The following MYO18A variants were observed in gnomAD, a reference collection of about 807,000 sequenced individuals.
The protein encoded by MYO18A is myosin XVIIIA.
In MYO18A, 78 loss-of-function variants were observed where a neutral mutation model predicts 235.8. The ratio of observed to expected loss-of-function variants is 0.33; its 90% CI spans 0.28 to 0.40. The LOEUF is 0.40. Ranked by LOEUF, MYO18A falls within the 10% of genes least tolerant of loss-of-function variation. MYO18A has a pLI of 1.00. For missense variants in MYO18A, 2,215 were observed against 2,699.3 expected (o/e 0.82, Z 3.98); for synonymous variants, 977 against 1,077.8 (o/e 0.91, Z 1.83).
Position 29,166,618 on chromosome 17 carries a change from C to T in MYO18A, c.323G>A (p.Gly108Asp). ...CGAGCCACGGAAGCTACCCTCCTCA[C>T]CCTTGAGGTCATCGCTGGAGCTGGC... is the stretch of plus-strand genomic sequence containing the variant. ...STASSSDDLKGEEGSFRGSVL... is the reference protein window; with the variant it reads ...STASSSDDLKDEEGSFRGSVL... Residue 108 changes from glycine (G) to aspartate (D), a missense_variant, in exon 2 of 42, where the codon GGT becomes GAT. Gly to Asp is a moderately conservative substitution (Grantham distance 94). Coordinates refer to ENST00000527372, the MANE Select transcript of MYO18A (RefSeq NM_078471.4). 2 of 1,613,934 alleles carry T rather than the reference C, an allele frequency of 1.2e-6. No individual in the cohort carries two copies. Among genetic ancestry groups the T allele is most frequent in the Non-Finnish European group, 1.7e-6 (2 of 1,179,896 alleles).
intron 40 of MYO18A, among the ~76,000 whole-genome samples, chr17:29,085,131 C>G (rs1002380433): frequency 1.3e-5 from 2 of 152,256 alleles, no homozygotes; most frequent in Non-Finnish European, 2.9e-5. Context: ...CTACCCTTGT[C>G]TGCCAAGAGA....
chr17:29,093,422 T>C lies in MYO18A; in HGVS notation c.4827A>G (p.Lys1609=). The change falls in exon 32 of 42, where the codon AAA becomes AAG. Residue 1609 remains lysine, a synonymous_variant. Coordinates refer to ENST00000527372, the MANE Select transcript of MYO18A (RefSeq NM_078471.4). ...CTTCCTCTAGCTGCACCTCCATCTG[T>C]TTTAACTGGAGTACCATGGGGACAG... The part of the protein sequence containing the change: ...EARQSCQKKL[K]QMEVQLEEEY... 6.2e-7 allele frequency: 1 copy of C among 1,609,968 alleles called. No individual in the cohort carries two copies. Among genetic ancestry groups the C allele is most frequent in the Non-Finnish European group, 8.5e-7 (1 of 1,179,300 alleles).
rs775822607 is a variant in MYO18A at position 29,098,245 on chromosome 17, T to A, written c.3871-21A>T. 8.1e-6 allele frequency: 13 copies of A among 1,613,420 alleles called. No homozygotes were observed. In the Admixed American group the frequency reaches 2.0e-4, roughly 25 times the overall value. On this transcript the variant is annotated intron_variant, in intron 24 of 41. Coordinates refer to ENST00000527372, the MANE Select transcript of MYO18A (RefSeq NM_078471.4). ...GAGATCTGGGGTTGGGGGTAGGGAG[T>A]CACCACCAGTTGAAGTGCCTGCCTC...
At chr17:29,144,958 A>G (rs1383290074) in intron 2 of MYO18A, among the ~76,000 whole-genome samples, 2 of 152,248 alleles carry the variant, frequency 1.3e-5, no homozygotes, top group Non-Finnish European at 2.9e-5. Context: ...GCAGGAAAGC[A>G]TAATAGTCAT....
At chr17:29,127,704 C>T in intron 2 of MYO18A, 1 of 280,044 alleles carries the variant, frequency 3.6e-6, no homozygotes, top group Non-Finnish European at 5.4e-6. Context: ...CCATGCAGCC[C>T]CTGCCGGCCA....
At chr17:29,081,132 G>A (rs2066111722) in intron 41 of MYO18A, 3 of 427,284 alleles carry the variant, frequency 7.0e-6, no homozygotes, top group Non-Finnish European at 9.4e-6. Flanking sequence ...GGAGGGAGGC[G>A]AAAGGAGGAG....
chr17:29,120,936 G>GCT lies in MYO18A; in HGVS notation c.1585+60_1585+61dup, dbSNP rs1348513267. ...AAAAAGAGCTGGCACTTAAGAGGGTGCTCTCTCCTCACTCCCCTCCCCTCA... is the reference window on the plus strand; with the variant it reads ...AAAAAGAGCTGGCACTTAAGAGGGTGCTCTCTCTCCTCACTCCCCTCCCCTCA... On this transcript the variant is annotated intron_variant, in intron 6 of 41. Transcript: ENST00000527372. The surrounding 1 kb of genome is among the most constrained non-coding windows in gnomAD (Gnocchi z 4.2). The GCT allele has an allele frequency of 6.4e-7, 1 of 1,565,950 alleles. No homozygotes were observed. Among genetic ancestry groups the GCT allele is most frequent in the Non-Finnish European group, 8.7e-7 (1 of 1,151,818 alleles).
rs371129997 is a variant in MYO18A, at chr17:29,095,024, G to A, written c.4421C>T (p.Ala1474Val). Residue 1474 changes from alanine to valine, a missense_variant, in exon 29 of 42, where the codon GCC becomes GTC. Physicochemically the swap from Ala to Val is moderately conservative, Grantham distance 64 (BLOSUM62 0). Coordinates refer to ENST00000527372, the MANE Select transcript of MYO18A (RefSeq NM_078471.4). ...CTCCCGCTGCAGCTTCTCCCGCTGG[G>A]CCTCCTCATGCGCCTGCGAGAGCTC... The part of the protein sequence containing the change: ...DSELSQAHEE[A>V]QREKLQREKL... The A allele has an allele frequency of 6.4e-6, 10 of 1,572,996 alleles. No homozygotes were observed. In the African/African-American group the frequency reaches 1.2e-4, roughly 19 times the overall value.
At chr17:29,116,829 C>T (rs926168953) in intron 10 of MYO18A, among the ~76,000 whole-genome samples, 4 of 149,462 alleles carry the variant, frequency 2.7e-5, no homozygotes, top group Admixed American at 1.4e-4. Flanking sequence ...TTTCCGCTTG[C>T]AGTTGGGGCT....
rs774637134 is a variant in MYO18A, at chr17:29,111,756, G to A, written c.2706C>T (p.Phe902=). Residue 902 remains phenylalanine, a synonymous_variant, in exon 16 of 42, where the codon TTC becomes TTT. Transcript: ENST00000527372. The surrounding 1 kb of genome is among the most constrained non-coding windows in gnomAD (Gnocchi z 5.1). ...ASEDTLLERL[F]SYYGPQEGDK... is the part of the protein sequence containing the mutation. ...CACCTTCCTGGGGGCCATAATAGGAGAAAAGGCGCTCCAGGAGGGTGTCCT... is the reference window on the plus strand; with the variant it reads ...CACCTTCCTGGGGGCCATAATAGGAAAAAAGGCGCTCCAGGAGGGTGTCCT... The A allele has an allele frequency of 2.5e-6, 4 of 1,613,820 alleles. No homozygotes were observed. The highest frequency in any genetic ancestry group is 1.7e-5 in the Admixed American group (1 of 60,004).
rs1442378277 is a variant in MYO18A, at chr17:29,121,676, C to A, written c.1242G>T (p.Val414=). 6.4e-7 allele frequency: 1 copy of A among 1,564,674 alleles called. No homozygotes were observed. Among genetic ancestry groups the A allele is most frequent in the Non-Finnish European group, 8.7e-7 (1 of 1,154,642 alleles). The part of the protein sequence containing the change: ...CDRLEDLASL[V]YLNESSVLHT... ...GCAGGACGCTGGACTCATTGAGGTACACCAGTGAGGCCAGATCCTCCAGAC... is the reference window on the plus strand; with the variant it reads ...GCAGGACGCTGGACTCATTGAGGTAAACCAGTGAGGCCAGATCCTCCAGAC... The change falls in exon 5 of 42, where the codon GTG becomes GTT. Residue 414 remains valine, a synonymous_variant. Coordinates refer to ENST00000527372, the MANE Select transcript of MYO18A (RefSeq NM_078471.4). This position sits in a 1 kb window ranked among gnomAD's most constrained non-coding sequence, Gnocchi z 4.2.
At position 29,115,006 on chromosome 17, in the gene MYO18A, T is replaced by C. The variant is rs1469874363; in HGVS notation, c.2412A>G (p.Gly804=). The C allele has an allele frequency of 1.9e-6, 3 of 1,613,836 alleles. No individual in the cohort carries two copies. The highest frequency in any genetic ancestry group is 2.5e-6 in the Non-Finnish European group (3 of 1,179,880). ...TGTGGCACAGCTCCTCAAAGGAGGC[T>C]CCGCGGGCTGACCCACCCTGCTCAG... ...QNPEQGGSAR[G]ASFEELCHNY... The change falls in exon 14 of 42, where the codon GGA becomes GGG. Residue 804 remains glycine, a synonymous_variant. Coordinates refer to ENST00000527372, the MANE Select transcript of MYO18A (RefSeq NM_078471.4).
intron 2 of MYO18A, among the ~76,000 whole-genome samples, chr17:29,156,425 A>G (rs958059813): frequency 2.6e-5 from 4 of 152,292 alleles, no homozygotes; most frequent in Non-Finnish European, 4.4e-5. Context: ...CTGGATGCCC[A>G]CAGAGCTGCC....
At chr17:29,110,332 A>T in intron 18 of MYO18A, 104 bp downstream of exon 18, 1 of 1,367,264 alleles carries the variant, frequency 7.3e-7, no homozygotes, top group Admixed American at 2.5e-5. Context: ...TGGGACGCTG[A>T]GTGGGCACCA....
At chr17:29,134,742 C>T (rs912769945) in intron 2 of MYO18A, among the ~76,000 whole-genome samples, 1 of 152,054 alleles carries the variant, frequency 6.6e-6, no homozygotes, top group East Asian at 1.9e-4. Context: ...AGGCTGGTCT[C>T]GAACTCCTGA....
Position 29,074,579 on chromosome 17 carries a change from C to T in MYO18A, c.*191G>A. 1.6e-6 allele frequency: 1 copy of T among 630,386 alleles called. No individual in the cohort carries two copies. The highest frequency in any genetic ancestry group is 2.8e-6 in the Non-Finnish European group (1 of 356,584). 39.0% of individuals were successfully genotyped at this position (630,386 alleles called of 1,614,324 possible). ...AAGTTCTCTTCAGAAACTCCTCTTT[C>T]CCCCACCTCTTCCACGTGGAGACAT... On this transcript the variant is annotated 3_prime_UTR_variant, in exon 42 of 42. Coordinates refer to ENST00000527372, the MANE Select transcript of MYO18A (RefSeq NM_078471.4). The surrounding 1 kb of genome is among the most constrained non-coding windows in gnomAD (Gnocchi z 4.4).
chr17:29,159,220 C>A (rs1190498537), intron 2 of MYO18A, among the ~76,000 whole-genome samples: 1 of 152,122 alleles, frequency 6.6e-6, no homozygotes, highest in Non-Finnish European at 1.5e-5. Flanking sequence ...ATCTAGTCCA[C>A]TGCTTCGCCC....
intron 14 of MYO18A, among the ~76,000 whole-genome samples, 162 bp downstream of exon 14, chr17:29,114,745 C>A (rs1180489891): frequency 6.6e-6 from 1 of 152,204 alleles, no homozygotes; most frequent in Admixed American, 6.5e-5. Flanking sequence ...GTAGCCAAAG[C>A]CAGAGGCCAC....
rs1352764757 is a variant in MYO18A at position 29,096,848 on chromosome 17, T to C, written c.4298A>G (p.Gln1433Arg). The C allele has an allele frequency of 6.3e-7, 1 of 1,591,346 alleles. No individual in the cohort carries two copies. The highest frequency in any genetic ancestry group is 8.6e-7 in the Non-Finnish European group (1 of 1,169,344). Reference sequence around the variant, plus strand: ...GTCTTGCAGCTCAGCCGTCAGTCGCTGGCACTTCTTCTTGAGCTGCTGCAG... The same window carrying C: ...GTCTTGCAGCTCAGCCGTCAGTCGCCGGCACTTCTTCTTGAGCTGCTGCAG... ...RALQQLKKKC[Q>R]RLTAELQDTK... Residue 1433 changes from glutamine to arginine, a missense_variant, in exon 28 of 42, where the codon CAG (glutamine) becomes CGG (arginine). Coordinates refer to ENST00000527372, the MANE Select transcript of MYO18A (RefSeq NM_078471.4).
Sources: allele counts gnomAD v4.1 joint callset (sites outside exome capture counted in the v4.1 genomes callset), GRCh38; gene constraint gnomAD v4.1.1; non-coding constraint Gnocchi (gnomAD v3.1); transcripts MANE v1.5; gene names NCBI Gene and HGNC (gene_info 2026-07-23, HGNC 2026-07-21).